Variants in LRP1B observed in about 807,000 individuals in gnomAD.
LRP1B encodes low-density lipoprotein receptor-related protein 1B.
LRP1B carries 217 observed loss-of-function variants against 556.6 expected under a neutral mutation model. The observed-to-expected ratio is 0.39, with a 90% CI of 0.35 to 0.44. LRP1B has a LOEUF of 0.44. Among genes scored for constraint, LRP1B ranks in the 20% least tolerant of loss-of-function variants. The pLI is 1.00. For synonymous variants in LRP1B, 2,047 were observed against 1,865.8 expected, an observed-to-expected ratio of 1.10 and a Z score of -2.50; for missense variants, 5,053 against 5,620.8, an observed-to-expected ratio of 0.90 and a Z score of 3.23.
At chr2:141,267,932 T>C (rs569442427) in intron 3 of LRP1B, among the ~76,000 whole-genome samples, 1 of 152,182 alleles carries the variant, frequency 6.6e-6, no homozygotes, top group Admixed American at 6.5e-5. Flanking sequence ...TCCATATTGC[T>C]AGCAAAATTT....
intron 62 of LRP1B, among the ~76,000 whole-genome samples, chr2:140,452,792 G>T (rs1322002164): frequency 6.6e-6 from 1 of 151,952 alleles, no homozygotes; most frequent in East Asian, 1.9e-4. Flanking sequence ...ATATGATGGG[G>T]TGAATTCATG....
At chr2:140,974,830 A>G (rs2105334022) in intron 18 of LRP1B, among the ~76,000 whole-genome samples, 1 of 152,322 alleles carries the variant, frequency 6.6e-6, no homozygotes, top group African/African-American at 2.4e-5. Context: ...TTCTGGAGAG[A>G]CCAGTGGACC....
At chr2:141,517,273 G>T (rs11904458) in intron 2 of LRP1B, among the ~76,000 whole-genome samples, 85,379 of 149,776 alleles carry the variant, frequency 0.57, 25,143 homozygotes, top group East Asian at 0.76. Context: ...CACACACACA[G>T]ACACACACAC....
chr2:142,069,233 T>G (rs16848053), intron 1 of LRP1B, among the ~76,000 whole-genome samples: 9,038 of 151,716 alleles, frequency 0.06, 629 homozygotes, highest in African/African-American at 0.17. Context: ...TTTAAAAGAA[T>G]ATTAAGTCAA....
At chr2:141,319,310 G>GTTTTGTTTTTT (rs1553494329) in intron 3 of LRP1B, among the ~76,000 whole-genome samples, 9 of 133,984 alleles carry the variant, frequency 6.7e-5, no homozygotes, top group African/African-American at 2.6e-4. Context: ...TTTTTTTGTT[G>GTTTTGTTTTTT]TTTTTTTTTT....
intron 1 of LRP1B, among the ~76,000 whole-genome samples, chr2:142,009,486 T>C (rs1291050868): frequency 6.6e-6 from 1 of 152,178 alleles, no homozygotes; most frequent in Non-Finnish European, 1.5e-5. Flanking sequence ...ACAGCATTTC[T>C]CTATAAGGTG....
intron 14 of LRP1B, among the ~76,000 whole-genome samples, chr2:141,006,586 C>T (rs910442300): frequency 8.6e-5 from 13 of 151,974 alleles, no homozygotes; most frequent in African/African-American, 2.9e-4. Context: ...CATCCTTACA[C>T]AAACCGAGAT....
intron 41 of LRP1B, among the ~76,000 whole-genome samples, chr2:140,614,383 A>C (rs1054118373): frequency 7.9e-5 from 12 of 151,838 alleles, no homozygotes; most frequent in African/African-American, 2.9e-4. Flanking sequence ...TACTGAGTAA[A>C]TTTTTTTTCT....
chr2:141,812,260 C>A (rs1297580074), intron 1 of LRP1B, among the ~76,000 whole-genome samples: 4 of 151,938 alleles, frequency 2.6e-5, no homozygotes, highest in Admixed American at 1.3e-4. Flanking sequence ...GATAAAGAGA[C>A]CATATAATTT....
intron 2 of LRP1B, among the ~76,000 whole-genome samples, chr2:141,732,254 T>C (rs1202692559): frequency 6.6e-6 from 1 of 152,154 alleles, no homozygotes; most frequent in Non-Finnish European, 1.5e-5. Flanking sequence ...AATTATGATT[T>C]AAAAAAATCT....
chr2:141,821,617 G>A (rs960741993), intron 1 of LRP1B, among the ~76,000 whole-genome samples: 19 of 152,128 alleles, frequency 1.2e-4, no homozygotes, highest in Non-Finnish European at 1.8e-4. Flanking sequence ...GTACAAGTGT[G>A]TATACATGTT....
intron 66 of LRP1B, among the ~76,000 whole-genome samples, chr2:140,390,619 A>C (rs1190895535): frequency 2.0e-5 from 3 of 152,252 alleles, no homozygotes; most frequent in Non-Finnish European, 4.4e-5. Flanking sequence ...TGGTCTTTAA[A>C]AGACACCATT....
chr2:141,013,502 G>A lies in LRP1B; in HGVS notation c.2380+54C>T. On this transcript the variant is annotated intron_variant, in intron 14 of 90. Transcript: ENST00000389484. Reference sequence around the variant, plus strand: ...TCAAGATAAATCTTTTATAACTTCTGTGAAGTATTATTATATGTGAATCTC... The same window carrying A: ...TCAAGATAAATCTTTTATAACTTCTATGAAGTATTATTATATGTGAATCTC... 3 of 1,348,956 alleles carry A rather than the reference G, an allele frequency of 2.2e-6. No individual in the cohort carries two copies. In the South Asian group the frequency reaches 4.5e-5, roughly 20 times the overall value. 83.6% of individuals were successfully genotyped at this position (1,348,956 alleles called of 1,614,324 possible). A position where few individuals can be genotyped will look rare whatever the true frequency, so the allele number is the denominator to read the frequency against.
chr2:141,653,838 G>A (rs1184590185), intron 2 of LRP1B, among the ~76,000 whole-genome samples: 1 of 152,158 alleles, frequency 6.6e-6, no homozygotes, highest in Non-Finnish European at 1.5e-5. Context: ...TACAGAAGTT[G>A]TGGTTTACAG....
At chr2:141,167,029 T>C (rs148411075) in intron 7 of LRP1B, among the ~76,000 whole-genome samples, 136 of 152,004 alleles carry the variant, frequency 8.9e-4, no homozygotes, top group African/African-American at 3.2e-3. Context: ...TTGAAACACG[T>C]TTACTTAGGA....
At chr2:141,108,602 A>T (rs987170895) in intron 7 of LRP1B, among the ~76,000 whole-genome samples, 1 of 151,870 alleles carries the variant, frequency 6.6e-6, no homozygotes, top group Non-Finnish European at 1.5e-5. Flanking sequence ...CACCCACCTC[A>T]GCCTCCCAAA....
chr2:141,446,126 G>A (rs1681184795), intron 3 of LRP1B, among the ~76,000 whole-genome samples: 1 of 152,056 alleles, frequency 6.6e-6, no homozygotes, highest in Admixed American at 6.6e-5. Flanking sequence ...TATATATTTA[G>A]GATAGTTAGC....
At chr2:140,915,686 A>AAAT (rs1445964375) in intron 21 of LRP1B, among the ~76,000 whole-genome samples, 1 of 130,122 alleles carries the variant, frequency 7.7e-6, no homozygotes. Context: ...ATAAATAAAT[A>AAAT]AAATAAATCT....
intron 2 of LRP1B, among the ~76,000 whole-genome samples, chr2:141,723,402 T>C (rs1032013777): frequency 2.6e-5 from 4 of 151,134 alleles, no homozygotes; most frequent in South Asian, 2.1e-4. Flanking sequence ...AGAAAAATTA[T>C]AGTTGCCTCA....
Sources: allele counts gnomAD v4.1 joint callset (sites outside exome capture counted in the v4.1 genomes callset), GRCh38; gene constraint gnomAD v4.1.1; transcripts MANE v1.5; gene names NCBI Gene and HGNC (gene_info 2026-07-23, HGNC 2026-07-21).